Variants in GRIK1 observed in about 807,000 individuals in gnomAD.
GRIK1 encodes glutamate receptor ionotropic, kainate 1.
In GRIK1, 69 loss-of-function variants were observed where a neutral mutation model predicts 105.7. The observed-to-expected ratio is 0.65, with a 90% CI of 0.54 to 0.80. The LOEUF (loss-of-function observed/expected upper bound fraction) is 0.80. Among genes scored for constraint, GRIK1 ranks in the 30% least tolerant of loss-of-function variants. The pLI is 0.00. For synonymous variants in GRIK1, 438 were observed against 431.3 expected (o/e 1.02, Z -0.19); for missense variants, 1,109 against 1,167.3 (o/e 0.95, Z 0.73).
At chr21:29,693,778 C>G in intron 2 of GRIK1, 118 bp downstream of exon 2, 1 of 721,660 alleles carries the variant, frequency 1.4e-6, no homozygotes, top group Non-Finnish European at 2.4e-6. Flanking sequence ...ACCCAGATTT[C>G]CCGCGACCCA....
chr21:29,825,871 C>T (rs1310962260), intron 1 of GRIK1, among the ~76,000 whole-genome samples: 1 of 152,046 alleles, frequency 6.6e-6, no homozygotes, highest in Non-Finnish European at 1.5e-5. Flanking sequence ...TCTGAAAAAT[C>T]GTATTTGAAT....
At chr21:29,716,491 C>T (rs2064180600) in intron 1 of GRIK1, among the ~76,000 whole-genome samples, 1 of 152,132 alleles carries the variant, frequency 6.6e-6, no homozygotes, top group African/African-American at 2.4e-5. Context: ...ATGGCTTTGA[C>T]CAAAATGCTG....
chr21:29,927,408 T>G (rs999812425), intron 1 of GRIK1, among the ~76,000 whole-genome samples: 6 of 150,526 alleles, frequency 4.0e-5, no homozygotes, highest in Non-Finnish European at 7.4e-5. Flanking sequence ...ATGTATACTA[T>G]GTAGTATATG....
At chr21:29,824,623 A>C (rs896360393) in intron 1 of GRIK1, among the ~76,000 whole-genome samples, 2 of 151,998 alleles carry the variant, frequency 1.3e-5, no homozygotes, top group African/African-American at 4.8e-5. Flanking sequence ...ACCTTGATGC[A>C]GGAGCATGTG....
intron 1 of GRIK1, among the ~76,000 whole-genome samples, chr21:29,752,592 G>C (rs7275818): frequency 6.6e-6 from 1 of 152,088 alleles, no homozygotes; most frequent in Non-Finnish European, 1.5e-5. Context: ...TTGAGAGGCC[G>C]AGGTGGGAGG....
Position 29,818,269 on chromosome 21 carries a change from C to A in GRIK1, c.118+121114G>T, listed in dbSNP as rs192495417. ...GACAAAAAAAATTTCTGGGAGCAAA[C>A]CTTTTGAGAAACAGAATTTACTTAG... On this transcript the variant is annotated intron_variant, in intron 1 of 17. Coordinates refer to ENST00000327783, the MANE Select transcript of GRIK1 (RefSeq NM_001330994.2). Among the ~76,000 whole-genome samples the A allele has an allele frequency of 3.9e-5, 6 of 152,132 alleles. No homozygotes were observed. The East Asian group carries it at 7.7e-4, about 20-fold the overall frequency.
intron 7 of GRIK1, among the ~76,000 whole-genome samples, chr21:29,611,776 C>A (rs995408174): frequency 5.3e-5 from 8 of 152,156 alleles, no homozygotes; most frequent in African/African-American, 1.9e-4. Context: ...ATTTTACATC[C>A]TAACTCTAGA....
chr21:29,848,043 C>T lies in GRIK1; in HGVS notation c.118+91340G>A, dbSNP rs188127508. ...ACTCTCTCAGTTACCCAGGGTTAAACGTAAGTTATTATTATTATTATTATT... is the reference window on the plus strand; with the variant it reads ...ACTCTCTCAGTTACCCAGGGTTAAATGTAAGTTATTATTATTATTATTATT... On this transcript the variant is annotated intron_variant, in intron 1 of 17. Coordinates refer to ENST00000327783, the MANE Select transcript of GRIK1 (RefSeq NM_001330994.2). Among the ~76,000 whole-genome samples the T allele has an allele frequency of 3.7e-3, 529 of 143,510 alleles. 5 individuals carry two copies. The highest frequency in any genetic ancestry group is 0.012 in the African/African-American group (486 of 40,202). The allele number at this position is 143,510 out of a possible 152,430, so 94.1% of individuals were successfully genotyped here.
intron 1 of GRIK1, among the ~76,000 whole-genome samples, chr21:29,867,052 C>T (rs1249122375): frequency 6.6e-6 from 1 of 152,118 alleles, no homozygotes; most frequent in African/African-American, 2.4e-5. Context: ...ACATACAAAA[C>T]ATTTGGGAAC....
intron 1 of GRIK1, among the ~76,000 whole-genome samples, chr21:29,827,975 ATCTCTCTCTCTC>A (rs71335097): frequency 8.8e-6 from 1 of 113,504 alleles, no homozygotes; most frequent in Admixed American, 9.7e-5. Context: ...TATAGTTAGG[ATCTCTCTCTCTC>A]TCTCTCTCTC....
intron 3 of GRIK1, among the ~76,000 whole-genome samples, chr21:29,686,090 C>T (rs2063481732): frequency 2.0e-5 from 3 of 152,182 alleles, no homozygotes; most frequent in Admixed American, 2.0e-4. Context: ...AATCACATTT[C>T]CACATGTTGT....
chr21:29,573,727 T>G (rs2090813467), intron 14 of GRIK1, among the ~76,000 whole-genome samples: 1 of 151,976 alleles, frequency 6.6e-6, no homozygotes. Flanking sequence ...CATGCACCTG[T>G]AATCCCAGCT....
chr21:29,864,680 T>G (rs907840352), intron 1 of GRIK1, among the ~76,000 whole-genome samples: 3 of 152,198 alleles, frequency 2.0e-5, no homozygotes, highest in African/African-American at 7.2e-5. Flanking sequence ...TAATTTTATT[T>G]TTTTCCTTCT....
intron 1 of GRIK1, among the ~76,000 whole-genome samples, chr21:29,776,292 A>G (rs891671595): frequency 1.3e-5 from 2 of 152,210 alleles, no homozygotes; most frequent in Non-Finnish European, 2.9e-5. Flanking sequence ...ACTTTATTAC[A>G]TACCCTCATA....
At chr21:29,648,889 GGCAGGGTCTGCGAT>G (rs2062670696) in intron 6 of GRIK1, among the ~76,000 whole-genome samples, 1 of 152,106 alleles carries the variant, frequency 6.6e-6, no homozygotes, top group African/African-American at 2.4e-5. Context: ...ATGAATGAAG[GGCAGGGTCTGCGAT>G]GTGGACCCAA....
At chr21:29,848,755 G>GTGTATATATATA (rs773386863) in intron 1 of GRIK1, among the ~76,000 whole-genome samples, 1,542 of 90,670 alleles carry the variant, frequency 0.017, 53 homozygotes, top group Non-Finnish European at 0.025. Context: ...AGTTGTGTGT[G>GTGTATATATATA]TATATATATA....
At chr21:29,729,436 C>A (rs1412623280) in intron 1 of GRIK1, among the ~76,000 whole-genome samples, 2 of 152,180 alleles carry the variant, frequency 1.3e-5, no homozygotes, top group African/African-American at 4.8e-5. Context: ...ATTAGTCAGA[C>A]CACTAGTCAT....
At chr21:29,775,438 C>T (rs1162771578) in intron 1 of GRIK1, among the ~76,000 whole-genome samples, 1 of 152,152 alleles carries the variant, frequency 6.6e-6, no homozygotes, top group African/African-American at 2.4e-5. Context: ...CTCTCTCCAG[C>T]TACCAAGGAG....
At chr21:29,786,215 T>C (rs367370) in intron 1 of GRIK1, among the ~76,000 whole-genome samples, 123,459 of 152,218 alleles carry the variant, frequency 0.81, 50,750 homozygotes, top group Non-Finnish European at 0.88. Context: ...TCTCGATCTC[T>C]TGACCCTGTG....
Sources: gnomAD v4.1 joint callset for allele counts (sites outside exome capture counted in the v4.1 genomes callset) on GRCh38, gnomAD v4.1.1 for gene constraint, MANE v1.5 for transcripts, NCBI Gene and HGNC (gene_info 2026-07-23, HGNC 2026-07-21) for gene names.